Variants in SORBS2 observed in about 807,000 individuals in gnomAD.
The protein encoded by SORBS2 is sorbin and SH3 domain-containing protein 2.
In SORBS2, 46 loss-of-function variants were observed where a neutral mutation model predicts 97.7. That is an observed-to-expected ratio of 0.47 (90% CI 0.37 to 0.60). The LOEUF (loss-of-function observed/expected upper bound fraction) is 0.60. SORBS2 is among the 20% of genes least tolerant of loss of function. SORBS2 has a pLI of 0.00. For missense variants in SORBS2, 1,316 were observed against 1,282.3 expected, an observed-to-expected ratio of 1.03 and a Z score of -0.40; for synonymous variants, 476 against 473.4, an observed-to-expected ratio of 1.01 and a Z score of -0.07.
intron 4 of SORBS2, among the ~76,000 whole-genome samples, chr4:185,677,890 A>G (rs1302717846): frequency 6.6e-6 from 1 of 152,182 alleles, no homozygotes; most frequent in Admixed American, 6.5e-5. Flanking sequence ...ACATTATAAC[A>G]TTTGCTCCAT....
intron 1 of SORBS2, among the ~76,000 whole-genome samples, chr4:185,888,422 C>T (rs760582411): frequency 6.6e-6 from 1 of 152,114 alleles, no homozygotes; most frequent in African/African-American, 2.4e-5. Context: ...TGCTGGTAGC[C>T]ACCAAAATTT....
At chr4:185,852,092 C>T (rs771728962) in intron 1 of SORBS2, among the ~76,000 whole-genome samples, 20 of 152,096 alleles carry the variant, frequency 1.3e-4, no homozygotes, top group Non-Finnish European at 2.6e-4. Context: ...TACAATAATT[C>T]AAAGCTTTTA....
chr4:185,845,609 G>A (rs1486038642), intron 1 of SORBS2, among the ~76,000 whole-genome samples: 2 of 151,968 alleles, frequency 1.3e-5, no homozygotes, highest in Non-Finnish European at 2.9e-5. Context: ...TAAATAAAAG[G>A]GAAACCACAG....
chr4:185,790,279 A>G (rs1392744466), intron 1 of SORBS2, among the ~76,000 whole-genome samples: 1 of 152,212 alleles, frequency 6.6e-6, no homozygotes, highest in African/African-American at 2.4e-5. Flanking sequence ...AGTAGCTAGC[A>G]TTGGGGTAAG....
intron 4 of SORBS2, chr4:185,675,151 G>T (rs577449291): frequency 6.6e-6 from 1 of 152,174 alleles, no homozygotes. Context: ...CCGTCTCTGC[G>T]CAGCCTGGAT....
At position 185,926,553 on chromosome 4, in the gene SORBS2, TTG is replaced by T. The variant is rs1491393683; in HGVS notation, c.-338+29641_-338+29642del. Among the ~76,000 whole-genome samples the T allele has an allele frequency of 2.3e-3, 290 of 126,966 alleles. 1 individual carries two copies. The highest frequency in any genetic ancestry group is 0.016 in the East Asian group (72 of 4,404). 83.3% of individuals were successfully genotyped at this position (126,966 alleles called of 152,430 possible). A position where few individuals can be genotyped will look rare whatever the true frequency, so the allele number is the denominator to read the frequency against. ...GATTTGAAATGTTCAAGTTGTGGTT[TTG>T]TTTTTTTTTTAATGGCAATGTAGAA... On this transcript the variant is annotated intron_variant, in intron 1 of 20. Coordinates refer to the SORBS2 transcript ENST00000284776.
chr4:185,818,984 C>A (rs758823479), intron 1 of SORBS2, among the ~76,000 whole-genome samples: 3 of 152,166 alleles, frequency 2.0e-5, no homozygotes, highest in African/African-American at 7.2e-5. Context: ...ATTCTCTTGG[C>A]ATGTGGACTC....
intron 2 of SORBS2, among the ~76,000 whole-genome samples, chr4:185,726,556 A>G (rs1320888519): frequency 6.6e-6 from 1 of 151,912 alleles, no homozygotes; most frequent in African/African-American, 2.4e-5. Flanking sequence ...AAGCTCTGTT[A>G]CTTAAGCTAA....
At chr4:185,651,787 C>T in intron 2 of SORBS2, 1 of 1,506,040 alleles carries the variant, frequency 6.6e-7, no homozygotes, top group Non-Finnish European at 9.2e-7. Context: ...ATCCTACCTG[C>T]ATTGTATGTA....
chr4:185,670,956 G>T (rs530345826), intron 4 of SORBS2, among the ~76,000 whole-genome samples: 1 of 152,300 alleles, frequency 6.6e-6, no homozygotes, highest in East Asian at 1.9e-4. Flanking sequence ...CCAAATGCAA[G>T]GAGTCAGAGA....
At chr4:185,775,406 G>A (rs1560954415) in intron 1 of SORBS2, 40 bp from the exon 2 acceptor site, 1 of 152,542 alleles carries the variant, frequency 6.6e-6, no homozygotes, top group Non-Finnish European at 1.5e-5. Flanking sequence ...ATGAGAGAGG[G>A]AAAGAATCCC....
intron 1 of SORBS2, among the ~76,000 whole-genome samples, chr4:185,819,328 C>A (rs2099195285): frequency 6.6e-6 from 1 of 152,210 alleles, no homozygotes; most frequent in Non-Finnish European, 1.5e-5. Context: ...ACTTGTGCTC[C>A]AGCCATCAGG....
At chr4:185,824,573 T>G (rs1268346645) in intron 1 of SORBS2, among the ~76,000 whole-genome samples, 1 of 152,218 alleles carries the variant, frequency 6.6e-6, no homozygotes, top group African/African-American at 2.4e-5. Context: ...CCTATGCAGT[T>G]GGGTCTGTGA....
At chr4:185,629,464 T>G (rs933106129) in intron 5 of SORBS2, among the ~76,000 whole-genome samples, 5 of 151,880 alleles carry the variant, frequency 3.3e-5, no homozygotes, top group Non-Finnish European at 5.9e-5. Context: ...TTAATGCTAC[T>G]AGATAAATAT....
At chr4:185,950,081 A>G (rs900585384) in intron 1 of SORBS2, among the ~76,000 whole-genome samples, 5 of 152,106 alleles carry the variant, frequency 3.3e-5, no homozygotes, top group African/African-American at 1.2e-4. Flanking sequence ...GTGAAACCCC[A>G]TCTCTACTAA....
intron 1 of SORBS2, among the ~76,000 whole-genome samples, chr4:185,892,196 A>C (rs28731063): frequency 0.033 from 4,985 of 152,322 alleles, 242 homozygotes; most frequent in African/African-American, 0.1. Context: ...TAAACTCAAG[A>C]ATTTCAATTG....
intron 1 of SORBS2, among the ~76,000 whole-genome samples, chr4:185,941,107 T>C (rs941411742): frequency 2.6e-5 from 4 of 152,228 alleles, no homozygotes; most frequent in African/African-American, 9.6e-5. Flanking sequence ...TCACAGCACT[T>C]ATCTGCATCA....
At chr4:185,792,173 T>C (rs1459693104) in intron 1 of SORBS2, among the ~76,000 whole-genome samples, 2 of 152,224 alleles carry the variant, frequency 1.3e-5, no homozygotes, top group Non-Finnish European at 2.9e-5. Context: ...CATCTCCTTA[T>C]TTTGAAATTT....
chr4:185,740,916 A>C (rs1416329662), intron 2 of SORBS2, among the ~76,000 whole-genome samples: 1 of 146,770 alleles, frequency 6.8e-6, no homozygotes, highest in African/African-American at 2.5e-5. Flanking sequence ...CACTAACTCA[A>C]ACCAGCACCA....
Sources: gnomAD v4.1 joint callset for allele counts (sites outside exome capture counted in the v4.1 genomes callset) on GRCh38, gnomAD v4.1.1 for gene constraint, MANE v1.5 for transcripts, NCBI Gene and HGNC (gene_info 2026-07-23, HGNC 2026-07-21) for gene names.